The following EAF2 variants were observed in gnomAD, a reference collection of about 807,000 sequenced individuals.
EAF2 encodes the protein ELL-associated factor 2.
Under a neutral mutation model 29.4 loss-of-function variants are expected in EAF2, and 29 were observed. The observed-to-expected ratio is 0.99, with a 90% CI of 0.73 to 1.35. The LOEUF (loss-of-function observed/expected upper bound fraction) is 1.35. EAF2 is among the 40% of genes most tolerant of loss of function. The pLI is 0.00. For synonymous variants in EAF2, 103 were observed against 102.5 expected (o/e 1.00, Z -0.03); for missense variants, 292 against 312.0 (o/e 0.94, Z 0.48).
At chr3:121,881,569 G>T (rs1224325357) in intron 5 of EAF2, among the ~76,000 whole-genome samples, 1 of 151,872 alleles carries the variant, frequency 6.6e-6, no homozygotes, top group South Asian at 2.1e-4. Flanking sequence ...GAGTCCAGTG[G>T]CACAATCTCA....
chr3:121,867,412 ATTACCTAT>A (rs1708944850), intron 4 of EAF2, among the ~76,000 whole-genome samples: 1 of 152,206 alleles, frequency 6.6e-6, no homozygotes, highest in South Asian at 2.1e-4. Context: ...GAAATGACAT[ATTACCTAT>A]GAAAGAATAC....
In EAF2 at chr3:121,835,244, G is replaced by T; in HGVS notation, c.-42G>T. ...GCTTCAGGCTGAGGTGGCAGATAGT[G>T]AGCGCTGGTGGCGGAGTTAAAGTCA... On this transcript the variant is annotated 5_prime_UTR_variant, in exon 1 of 6. Coordinates refer to ENST00000273668, the MANE Select transcript of EAF2 (RefSeq NM_018456.6). The T allele has an allele frequency of 6.3e-7, 1 of 1,591,172 alleles. No individual in the cohort carries two copies. The highest frequency in any genetic ancestry group is 8.6e-7 in the Non-Finnish European group (1 of 1,159,162).
intron 2 of EAF2, among the ~76,000 whole-genome samples, chr3:121,850,714 T>C (rs187561136): frequency 7.0e-4 from 107 of 152,330 alleles, no homozygotes; most frequent in Non-Finnish European, 8.4e-4. Context: ...TATTATTTTT[T>C]GAGACGGAGT....
At chr3:121,847,134 C>T (rs184363230) in intron 2 of EAF2, among the ~76,000 whole-genome samples, 1 of 152,278 alleles carries the variant, frequency 6.6e-6, no homozygotes, top group African/African-American at 2.4e-5. Flanking sequence ...TAGGTAGCTG[C>T]CACTGGGAAT....
At chr3:121,844,408 A>G in intron 1 of EAF2, 45 bp from the exon 2 acceptor site, 2 of 1,161,596 alleles carry the variant, frequency 1.7e-6, no homozygotes, top group Non-Finnish European at 2.5e-6. Context: ...TTATATCCAA[A>G]TATCATTACA....
At chr3:121,859,729 A>G (rs1708790992) in intron 4 of EAF2, among the ~76,000 whole-genome samples, 3 of 152,190 alleles carry the variant, frequency 2.0e-5, no homozygotes, top group African/African-American at 7.2e-5. Flanking sequence ...GTGGTGAAAG[A>G]GGGCATCCCT....
At chr3:121,860,797 T>C (rs1161355986) in intron 4 of EAF2, among the ~76,000 whole-genome samples, 3 of 152,254 alleles carry the variant, frequency 2.0e-5, no homozygotes, top group Non-Finnish European at 4.4e-5. Context: ...TGCTTTCTCT[T>C]GTGGGCATTT....
Position 121,854,674 on chromosome 3 carries a change from A to C in EAF2, c.202-13A>C. On this transcript the variant is annotated splice_polypyrimidine_tract_variant and intron_variant, in intron 2 of 5. Transcript: ENST00000273668. ...GATAAATTTTAAGTAATAATAATTA[A>C]CTTTTTAAACAGGGTTCAACTCCAC... The C allele has an allele frequency of 1.3e-6, 2 of 1,513,630 alleles. No individual in the cohort carries two copies. Among genetic ancestry groups the C allele is most frequent in the Middle Eastern group, 1.8e-4 (1 of 5,424 alleles). 93.8% of individuals were successfully genotyped at this position (1,513,630 alleles called of 1,614,324 possible).
rs944252497 is a variant in EAF2 at position 121,854,734 on chromosome 3, C to T, written c.249C>T (p.Tyr83=). ...VTVFKGSKKP[Y]LKECILIINH... ...TTTTCAAAGGTTCAAAAAAACCTTACTTAAAAGAATGCATTTTGATTATTA... is the reference window on the plus strand; with the variant it reads ...TTTTCAAAGGTTCAAAAAAACCTTATTTAAAAGAATGCATTTTGATTATTA... Residue 83 remains tyrosine (Y), a synonymous_variant, in exon 3 of 6, where the codon TAC becomes TAT. Coordinates refer to ENST00000273668, the MANE Select transcript of EAF2 (RefSeq NM_018456.6). 14 of 1,565,914 alleles carry T rather than the reference C, an allele frequency of 8.9e-6. No individual in the cohort carries two copies. Among genetic ancestry groups the T allele is most frequent in the African/African-American group, 5.6e-5 (4 of 71,506 alleles).
chr3:121,860,777 A>G (rs1286307989), intron 4 of EAF2, among the ~76,000 whole-genome samples: 1 of 152,082 alleles, frequency 6.6e-6, no homozygotes, highest in Non-Finnish European at 1.5e-5. Flanking sequence ...TGTCGATTTT[A>G]GATCTTTCCT....
At chr3:121,878,311 G>T (rs548452237) in intron 5 of EAF2, among the ~76,000 whole-genome samples, 1 of 151,958 alleles carries the variant, frequency 6.6e-6, no homozygotes, top group African/African-American at 2.4e-5. Context: ...TGACTTACAC[G>T]TGATATTTTG....
intron 5 of EAF2, 163 bp downstream of exon 5, chr3:121,872,951 G>T: frequency 9.1e-7 from 1 of 1,100,314 alleles, no homozygotes; most frequent in Non-Finnish European, 1.3e-6. Context: ...TTGAATCTGT[G>T]ACATAATGCC....
At chr3:121,856,268 CTTTTA>C (rs548983393) in intron 3 of EAF2, among the ~76,000 whole-genome samples, 1 of 148,976 alleles carries the variant, frequency 6.7e-6, no homozygotes, top group South Asian at 2.1e-4. Context: ...TATATTTTTC[CTTTTA>C]TTTTAGTCAT....
chr3:121,875,023 A>G (rs1709072312), intron 5 of EAF2, among the ~76,000 whole-genome samples: 1 of 151,932 alleles, frequency 6.6e-6, no homozygotes, highest in Admixed American at 6.6e-5. Context: ...ATAATAATAT[A>G]ATGAGAACTT....
intron 5 of EAF2, among the ~76,000 whole-genome samples, chr3:121,883,604 G>C (rs754074724): frequency 6.6e-5 from 10 of 152,178 alleles, no homozygotes; most frequent in Non-Finnish European, 1.0e-4. Context: ...GTGCAAGACT[G>C]GTTCATCCAT....
At chr3:121,877,551 T>C (rs1709121387) in intron 5 of EAF2, among the ~76,000 whole-genome samples, 1 of 151,866 alleles carries the variant, frequency 6.6e-6, no homozygotes, top group African/African-American at 2.4e-5. Context: ...AAATAAAAAT[T>C]ACTTTAAAAT....
intron 5 of EAF2, among the ~76,000 whole-genome samples, chr3:121,882,557 A>T (rs1709205800): frequency 1.3e-5 from 2 of 152,188 alleles, no homozygotes; most frequent in Non-Finnish European, 2.9e-5. Context: ...TGAATTTGCT[A>T]GCAAATACAA....
intron 5 of EAF2, among the ~76,000 whole-genome samples, chr3:121,878,708 T>C (rs574732083): frequency 2.8e-4 from 42 of 152,300 alleles, no homozygotes; most frequent in Non-Finnish European, 5.0e-4. Context: ...CCAGTTCCAT[T>C]CATACTGCTG....
chr3:121,881,861 C>T (rs536625559), intron 5 of EAF2, among the ~76,000 whole-genome samples: 114 of 152,078 alleles, frequency 7.5e-4, no homozygotes, highest in African/African-American at 2.3e-3. Flanking sequence ...GACATAGGAA[C>T]GGATGGTTTT....
Sources: allele counts gnomAD v4.1 joint callset (sites outside exome capture counted in the v4.1 genomes callset), GRCh38; gene constraint gnomAD v4.1.1; transcripts MANE v1.5; gene names NCBI Gene and HGNC (gene_info 2026-07-23, HGNC 2026-07-21).